Variants in BAZ1B observed in about 807,000 individuals in gnomAD.
BAZ1B encodes tyrosine-protein kinase BAZ1B.
In BAZ1B, 22 loss-of-function variants were observed where a neutral mutation model predicts 153.8. The ratio of observed to expected loss-of-function variants is 0.14; its 90% CI spans 0.10 to 0.20. The LOEUF (loss-of-function observed/expected upper bound fraction) is 0.20, where lower values mean the gene tolerates loss of function less well. Ranked by LOEUF, BAZ1B falls within the 10% of genes least tolerant of loss-of-function variation. BAZ1B has a pLI of 1.00. For missense variants in BAZ1B, 1,325 were observed against 1,799.3 expected (o/e 0.74, Z 4.77); for synonymous variants, 676 against 633.4 (o/e 1.07, Z -1.01).
At chr7:73,504,507 C>T (rs1790255991) in intron 3 of BAZ1B, among the ~76,000 whole-genome samples, 1 of 151,884 alleles carries the variant, frequency 6.6e-6, no homozygotes, top group Admixed American at 6.6e-5. Flanking sequence ...ACTAAAAATA[C>T]AAAAAAATTA....
intron 7 of BAZ1B, 47 bp downstream of exon 7, chr7:73,476,821 A>G (rs782284702): frequency 6.5e-7 from 1 of 1,538,016 alleles, no homozygotes; most frequent in African/African-American, 1.4e-5. Flanking sequence ...CCTTTCTTTT[A>G]CTATCTTCTA....
intron 2 of BAZ1B, among the ~76,000 whole-genome samples, chr7:73,509,474 C>T (rs1412278318): frequency 6.6e-6 from 1 of 152,034 alleles, no homozygotes; most frequent in South Asian, 2.1e-4. Flanking sequence ...GGTCCCAGCA[C>T]TTTGAAAGGC....
chr7:73,486,592 C>T (rs566880440), intron 6 of BAZ1B, among the ~76,000 whole-genome samples: 3 of 152,170 alleles, frequency 2.0e-5, no homozygotes, highest in Non-Finnish European at 4.4e-5. Context: ...TCCCAAAGTG[C>T]TAGGATTACA....
chr7:73,493,261 G>A (rs1294901606), intron 4 of BAZ1B, among the ~76,000 whole-genome samples: 1 of 152,040 alleles, frequency 6.6e-6, no homozygotes, highest in Non-Finnish European at 1.5e-5. Context: ...GGGAGTTCGA[G>A]ACCAGCCTGA....
At position 73,450,383 on chromosome 7, in the gene BAZ1B, A is replaced by G. The variant is rs1273626698; in HGVS notation, c.3580+464T>C. On this transcript the variant is annotated intron_variant, in intron 14 of 19. Transcript: ENST00000339594. This position sits in a 1 kb window ranked among gnomAD's most constrained non-coding sequence, Gnocchi z 4.1. ...TTTCATCTCTAACCTAACTCAGAAA[A>G]TAACTCTAGCCACTGAAAAGCCAAT... Among the ~76,000 whole-genome samples the G allele has an allele frequency of 6.6e-6, 1 of 152,182 alleles. No individual in the cohort carries two copies. Among genetic ancestry groups the G allele is most frequent in the African/African-American group, 2.4e-5 (1 of 41,444 alleles).
At chr7:73,455,842 G>A (rs993800285) in intron 13 of BAZ1B, among the ~76,000 whole-genome samples, 5 of 152,122 alleles carry the variant, frequency 3.3e-5, no homozygotes, top group African/African-American at 4.8e-5. Context: ...GTGGACTAAC[G>A]GGACGGAGGG....
rs561938761 is a variant in BAZ1B at position 73,455,045 on chromosome 7, T to TGC, written c.3433-4053_3433-4052dup. On this transcript the variant is annotated intron_variant, in intron 13 of 19. Coordinates refer to ENST00000339594, the MANE Select transcript of BAZ1B (RefSeq NM_032408.4). The stretch of plus-strand genomic sequence containing the variant: ...CACTCGGGGTGTGTGTGTGTGTGTG[T>TGC]GCATTTTTTCTTTTTTTTTTTAGAA... Among the ~76,000 whole-genome samples, 355 of 151,618 alleles carry TGC rather than the reference T, an allele frequency of 2.3e-3. 1 individual carries two copies. The highest frequency in any genetic ancestry group is 3.3e-3 in the Non-Finnish European group (223 of 67,848).
At chr7:73,510,611 A>C in intron 2 of BAZ1B, 125 bp downstream of exon 2, 1 of 899,488 alleles carries the variant, frequency 1.1e-6, no homozygotes, top group South Asian at 1.5e-5. Context: ...CATACAGTAC[A>C]CTAATGTAAT....
At chr7:73,486,628 C>G (rs1416308338) in intron 6 of BAZ1B, among the ~76,000 whole-genome samples, 1 of 152,058 alleles carries the variant, frequency 6.6e-6, no homozygotes, top group South Asian at 2.1e-4. Flanking sequence ...GCCTGGCCTG[C>G]TAAAACTATT....
intron 3 of BAZ1B, among the ~76,000 whole-genome samples, chr7:73,503,739 T>C (rs369712854): frequency 2.6e-5 from 4 of 152,306 alleles, no homozygotes; most frequent in African/African-American, 9.6e-5. Flanking sequence ...CGTTTTGCCA[T>C]GTCAATTCCA....
chr7:73,487,364 G>A (rs945459473), intron 6 of BAZ1B, among the ~76,000 whole-genome samples: 3 of 152,096 alleles, frequency 2.0e-5, no homozygotes, highest in Admixed American at 1.3e-4. Context: ...AGAAATTTCA[G>A]GCTGCAGTGA....
intron 12 of BAZ1B, among the ~76,000 whole-genome samples, chr7:73,461,625 C>T (rs1788400249): frequency 6.6e-6 from 1 of 151,982 alleles, no homozygotes; most frequent in Non-Finnish European, 1.5e-5. Context: ...AAGAATTCAT[C>T]ACAAGATTAA....
chr7:73,512,423 A>T (rs1395806939), intron 1 of BAZ1B, among the ~76,000 whole-genome samples: 2 of 152,174 alleles, frequency 1.3e-5, no homozygotes, highest in African/African-American at 4.8e-5. Flanking sequence ...TAAATTTCAT[A>T]AAATACTTAG....
At chr7:73,452,542 T>A (rs981148364) in intron 13 of BAZ1B, among the ~76,000 whole-genome samples, 3 of 151,916 alleles carry the variant, frequency 2.0e-5, no homozygotes, top group Admixed American at 2.0e-4. Flanking sequence ...GCCAATATGG[T>A]GAAACCTGGT....
At chr7:73,484,272 A>G (rs1318394200) in intron 6 of BAZ1B, among the ~76,000 whole-genome samples, 1 of 151,726 alleles carries the variant, frequency 6.6e-6, no homozygotes, top group Non-Finnish European at 1.5e-5. Flanking sequence ...CAAAGGAAGG[A>G]AGGGAGGGAC....
At position 73,440,784 on chromosome 7, in the gene BAZ1B, T is replaced by C. The variant is rs1212883239; in HGVS notation, c.*925A>G. The C allele has an allele frequency of 1.3e-5, 2 of 152,670 alleles. No individual in the cohort carries two copies. The highest frequency in any genetic ancestry group is 2.9e-5 in the Non-Finnish European group (2 of 68,042). The allele number at this position is 152,670 out of a possible 1,614,324, so 9.5% of individuals were successfully genotyped here. A position where few individuals can be genotyped will look rare whatever the true frequency, so the allele number is the denominator to read the frequency against. ...GGCTTGATTCTCATGTTCTAGGAGC[T>C]GCAGTCCCCTTGGTGGACTTTAAAT... On this transcript the variant is annotated 3_prime_UTR_variant, in exon 20 of 20. Transcript: ENST00000339594.
intron 1 of BAZ1B, among the ~76,000 whole-genome samples, chr7:73,521,149 C>A (rs559148043): frequency 5.9e-5 from 9 of 152,244 alleles, no homozygotes; most frequent in African/African-American, 2.2e-4. Flanking sequence ...TCTAAACCTT[C>A]AAAATTTCAA....
chr7:73,444,441 C>A (rs377224293), intron 16 of BAZ1B, among the ~76,000 whole-genome samples: 1 of 152,348 alleles, frequency 6.6e-6, no homozygotes, highest in South Asian at 2.1e-4. Flanking sequence ...CAGGAATCAA[C>A]TGTAAACTCT....
chr7:73,501,500 T>C (rs1554577151), intron 3 of BAZ1B, among the ~76,000 whole-genome samples: 3 of 152,010 alleles, frequency 2.0e-5, no homozygotes. Flanking sequence ...CATATGGCAA[T>C]GTCTGATTTT....
Sources: gnomAD v4.1 joint callset for allele counts (sites outside exome capture counted in the v4.1 genomes callset) on GRCh38, gnomAD v4.1.1 for gene constraint, Gnocchi (gnomAD v3.1) non-coding constraint, MANE v1.5 for transcripts, NCBI Gene and HGNC (gene_info 2026-07-23, HGNC 2026-07-21) for gene names.